Variants in NGF observed in about 807,000 individuals in gnomAD.
NGF encodes nerve growth factor.
A neutral mutation model predicts 12.8 loss-of-function variants in NGF; 4 were observed. That is an observed-to-expected ratio of 0.31 (90% CI 0.15 to 0.72). The LOEUF is 0.72. NGF is among the 30% of genes least tolerant of loss of function. The pLI is 0.69. For missense variants in NGF, 283 were observed against 330.8 expected (o/e 0.86, Z 1.12); for synonymous variants, 140 against 130.0 (o/e 1.08, Z -0.52).
intron 1 of NGF, among the ~76,000 whole-genome samples, chr1:115,316,163 G>A (rs1050551191): frequency 8.5e-5 from 13 of 152,142 alleles, no homozygotes; most frequent in African/African-American, 2.9e-4. Flanking sequence ...TGTCTTTGCT[G>A]CTCTGTGACA....
At chr1:115,323,328 C>A (rs1654680239) in intron 1 of NGF, among the ~76,000 whole-genome samples, 1 of 151,994 alleles carries the variant, frequency 6.6e-6, no homozygotes, top group South Asian at 2.1e-4. Flanking sequence ...TTGAGAGTAC[C>A]AAATCTGTGT....
chr1:115,295,298 C>T (rs2856813), intron 1 of NGF, among the ~76,000 whole-genome samples: 67,187 of 152,004 alleles, frequency 0.44, 16,778 homozygotes, highest in Non-Finnish European at 0.55. Flanking sequence ...CTTTCCCATC[C>T]TGCTCAAAAT....
chr1:115,336,707 G>A (rs1352367123), intron 1 of NGF, among the ~76,000 whole-genome samples: 1 of 152,216 alleles, frequency 6.6e-6, no homozygotes, highest in East Asian at 1.9e-4. Flanking sequence ...GGGCTGGCAG[G>A]GGCCAATGGC....
intron 1 of NGF, among the ~76,000 whole-genome samples, chr1:115,319,563 A>G (rs1047497759): frequency 5.3e-5 from 8 of 152,154 alleles, no homozygotes; most frequent in African/African-American, 1.9e-4. Context: ...CTTTTGGCAA[A>G]TTTCTTTGGA....
chr1:115,312,196 T>C (rs1012022346), intron 1 of NGF, among the ~76,000 whole-genome samples: 1 of 152,358 alleles, frequency 6.6e-6, no homozygotes, highest in South Asian at 2.1e-4. Context: ...CTAGAGCTAA[T>C]GAATTATTCA....
intron 1 of NGF, among the ~76,000 whole-genome samples, chr1:115,305,549 T>C (rs900179610): frequency 9.2e-5 from 14 of 152,248 alleles, no homozygotes; most frequent in African/African-American, 3.4e-4. Flanking sequence ...TGCTTGAACA[T>C]ACCTGATTGC....
chr1:115,324,743 G>A (rs1654727746), intron 1 of NGF, among the ~76,000 whole-genome samples: 1 of 152,154 alleles, frequency 6.6e-6, no homozygotes, highest in South Asian at 2.1e-4. Context: ...GAAACTCACA[G>A]GGCAGCCCAT....
At chr1:115,307,281 T>C (rs1054485615) in intron 1 of NGF, among the ~76,000 whole-genome samples, 12 of 151,890 alleles carry the variant, frequency 7.9e-5, no homozygotes, top group African/African-American at 2.4e-4. Context: ...AGTAAGAGAA[T>C]GAGAGCAAAG....
chr1:115,318,744 CT>C (rs1306794066), intron 1 of NGF, among the ~76,000 whole-genome samples: 1 of 152,214 alleles, frequency 6.6e-6, no homozygotes, highest in Non-Finnish European at 1.5e-5. Context: ...CTTGTCCCTA[CT>C]CTCCCAACAG....
At chr1:115,294,235 A>AGACT (rs955565107) in intron 1 of NGF, among the ~76,000 whole-genome samples, 3 of 152,248 alleles carry the variant, frequency 2.0e-5, no homozygotes, top group Non-Finnish European at 4.4e-5. Flanking sequence ...CAAATAAGAC[A>AGACT]GACTGACCAT....
intron 1 of NGF, among the ~76,000 whole-genome samples, chr1:115,326,959 C>T (rs966279826): frequency 2.0e-5 from 3 of 152,188 alleles, no homozygotes; most frequent in Non-Finnish European, 4.4e-5. Flanking sequence ...CAGAGAGGTT[C>T]TGTAATTTGC....
chr1:115,286,734 T>G lies in NGF; in HGVS notation c.62A>C (p.His21Pro), dbSNP rs1208791663. The change falls in exon 3 of 3, where the codon CAC becomes CCC. Residue 21 changes from histidine (H) to proline (P), a missense_variant. Physicochemically the swap from His to Pro is moderately conservative, Grantham distance 77. Around this residue, in one of 2 missense-constraint regions of NGF, gnomAD observed 151 missense variants for 141.6 expected, o/e 1.07. Coordinates refer to ENST00000369512, the MANE Select transcript of NGF (RefSeq NM_002506.3). ...TCCTGCAGGGACATTGCTCTCTGAGTGTGGTTCCGCCTGTATGCCGATCAG... is the reference window on the plus strand; with the variant it reads ...TCCTGCAGGGACATTGCTCTCTGAGGGTGGTTCCGCCTGTATGCCGATCAG... ...AFLIGIQAEPHSESNVPAGHT... is the reference protein window; with the variant it reads ...AFLIGIQAEPPSESNVPAGHT... 6.2e-7 allele frequency: 1 copy of G among 1,613,996 alleles called. No individual in the cohort carries two copies. Among genetic ancestry groups the G allele is most frequent in the Non-Finnish European group, 8.5e-7 (1 of 1,180,040 alleles).
Position 115,286,714 on chromosome 1 carries a change from C to A in NGF, c.82G>T (p.Ala28Ser). 6.2e-7 allele frequency: 1 copy of A among 1,614,176 alleles called. No homozygotes were observed. Among genetic ancestry groups the A allele is most frequent in the Non-Finnish European group, 8.5e-7 (1 of 1,180,014 alleles). Residue 28 changes from alanine to serine, a missense_variant, in exon 3 of 3, where the codon GCA becomes TCA. Coordinates refer to ENST00000369512, the MANE Select transcript of NGF (RefSeq NM_002506.3). ...AEPHSESNVP[A>S]GHTIPQAHWT... ...TGGGCTTGGGGGATGGTGTGTCCTG[C>A]AGGGACATTGCTCTCTGAGTGTGGT...
intron 1 of NGF, among the ~76,000 whole-genome samples, chr1:115,336,681 A>G (rs1655117167): frequency 6.6e-6 from 1 of 152,224 alleles, no homozygotes; most frequent in African/African-American, 2.4e-5. Flanking sequence ...AGGAAACTGT[A>G]AACACAGGAT....
intron 1 of NGF, among the ~76,000 whole-genome samples, chr1:115,331,766 C>T (rs1229490151): frequency 1.9e-4 from 29 of 152,222 alleles, no homozygotes; most frequent in Non-Finnish European, 3.5e-4. Flanking sequence ...CTCTCATGAG[C>T]CACTAAGCCT....
At chr1:115,294,951 G>A (rs536717025) in intron 1 of NGF, among the ~76,000 whole-genome samples, 10 of 152,326 alleles carry the variant, frequency 6.6e-5, no homozygotes, top group Non-Finnish European at 1.5e-4. Flanking sequence ...ATGAATGAAT[G>A]ATTATGTCCA....
At chr1:115,318,315 C>T (rs555515710) in intron 1 of NGF, among the ~76,000 whole-genome samples, 16 of 152,308 alleles carry the variant, frequency 1.1e-4, no homozygotes, top group South Asian at 2.1e-4. Flanking sequence ...GTCCCTCTAC[C>T]GAGAATTGGA....
chr1:115,305,335 T>C (rs565514944), intron 1 of NGF, among the ~76,000 whole-genome samples: 2 of 152,292 alleles, frequency 1.3e-5, no homozygotes, highest in East Asian at 3.9e-4. Flanking sequence ...AAGTAGAAGG[T>C]CACACTGTTG....
At chr1:115,303,438 C>T (rs1654099225) in intron 1 of NGF, among the ~76,000 whole-genome samples, 1 of 152,118 alleles carries the variant, frequency 6.6e-6, no homozygotes, top group South Asian at 2.1e-4. Flanking sequence ...CCATCACCTC[C>T]TCCAACACCA....
Sources: allele counts gnomAD v4.1 joint callset (sites outside exome capture counted in the v4.1 genomes callset), GRCh38; gene constraint gnomAD v4.1.1; regional missense constraint gnomAD v4.1.1; transcripts MANE v1.5; gene names NCBI Gene and HGNC (gene_info 2026-07-23, HGNC 2026-07-21).